VPS26A: variants seen among roughly 807,000 people sequenced by gnomAD.
VPS26A encodes the protein VPS26 retromer complex component A.
VPS26A carries 22 observed loss-of-function variants against 42.4 expected under a neutral mutation model. The observed-to-expected ratio is 0.52, with a 90% confidence interval of 0.37 to 0.74. The LOEUF is 0.74. Among genes scored for constraint, VPS26A ranks in the 30% least tolerant of loss-of-function variants. The pLI, the probability that VPS26A is intolerant of heterozygous loss-of-function variation, is 0.00. For synonymous variants in VPS26A, 110 were observed against 123.5 expected (o/e 0.89, Z 0.73); for missense variants, 276 against 379.2 (o/e 0.73, Z 2.26).
At chr10:69,147,360 C>T (rs985387582) in intron 2 of VPS26A, among the ~76,000 whole-genome samples, 1 of 152,066 alleles carries the variant, frequency 6.6e-6, no homozygotes, top group South Asian at 2.1e-4. Context: ...TCTGAGTTCT[C>T]TTTCCACTTT....
intron 1 of VPS26A, among the ~76,000 whole-genome samples, chr10:69,129,627 A>C (rs1337961110): frequency 6.6e-6 from 1 of 151,776 alleles, no homozygotes; most frequent in Admixed American, 6.6e-5. Flanking sequence ...GGCTCACTGC[A>C]ACCTCCACCT....
intron 1 of VPS26A, among the ~76,000 whole-genome samples, chr10:69,127,020 G>A (rs1422242903): frequency 1.3e-5 from 2 of 150,230 alleles, no homozygotes; most frequent in Non-Finnish European, 3.0e-5. Flanking sequence ...GTGCAGTGGC[G>A]CGATCTTGGC....
chr10:69,129,420 T>C (rs1223518429), intron 1 of VPS26A, among the ~76,000 whole-genome samples: 2 of 152,222 alleles, frequency 1.3e-5, no homozygotes, highest in African/African-American at 4.8e-5. Flanking sequence ...CTATCACTGA[T>C]GATTTTCATT....
At chr10:69,166,330 A>C (rs1249369718) in intron 7 of VPS26A, among the ~76,000 whole-genome samples, 1 of 152,250 alleles carries the variant, frequency 6.6e-6, no homozygotes, top group Non-Finnish European at 1.5e-5. Flanking sequence ...AGGATTTACT[A>C]GAGACAGTTA....
chr10:69,162,180 C>T (rs1841578582), intron 5 of VPS26A, among the ~76,000 whole-genome samples: 1 of 151,912 alleles, frequency 6.6e-6, no homozygotes, highest in African/African-American at 2.4e-5. Context: ...TTAGTAGAGA[C>T]AGTTTCGCCA....
chr10:69,160,031 T>C (rs974212511), intron 5 of VPS26A, among the ~76,000 whole-genome samples: 9 of 152,164 alleles, frequency 5.9e-5, no homozygotes, highest in Admixed American at 3.3e-4. Flanking sequence ...GTAATACATA[T>C]GGACTTCAGA....
intron 6 of VPS26A, among the ~76,000 whole-genome samples, chr10:69,164,200 T>G (rs184663707): frequency 9.0e-4 from 137 of 151,388 alleles, no homozygotes; most frequent in African/African-American, 3.2e-3. Context: ...AACTATATAT[T>G]AGAGAAATCA....
At chr10:69,151,274 A>AACAAAACAAAAC (rs1235416679) in intron 2 of VPS26A, among the ~76,000 whole-genome samples, 1 of 90,108 alleles carries the variant, frequency 1.1e-5, no homozygotes, top group African/African-American at 3.2e-5. Flanking sequence ...CAAAAAAAAA[A>AACAAAACAAAAC]AAAAAAAAAC....
intron 8 of VPS26A, chr10:69,170,285 TAAAC>T (rs1841787116): frequency 6.6e-6 from 1 of 152,238 alleles, no homozygotes; most frequent in South Asian, 2.1e-4. Flanking sequence ...GTTGTATAAT[TAAAC>T]ATACATGATT....
At chr10:69,144,031 TAACTATATAGAA>T (rs1300035748) in intron 2 of VPS26A, among the ~76,000 whole-genome samples, 11 of 152,192 alleles carry the variant, frequency 7.2e-5, no homozygotes, top group Non-Finnish European at 1.3e-4. Flanking sequence ...GATTCTTACA[TAACTATATAGAA>T]AACTGGTTTG....
intron 1 of VPS26A, among the ~76,000 whole-genome samples, chr10:69,125,010 G>A (rs1218789708): frequency 6.6e-6 from 1 of 152,174 alleles, no homozygotes; most frequent in African/African-American, 2.4e-5. Context: ...ACCACAGTCC[G>A]CGGAAGCACT....
intron 8 of VPS26A, among the ~76,000 whole-genome samples, chr10:69,170,628 CAAGG>C (rs1382612037): frequency 6.6e-6 from 1 of 151,984 alleles, no homozygotes; most frequent in Non-Finnish European, 1.5e-5. Context: ...GGAAAATGGT[CAAGG>C]GAGGGAAGAG....
At chr10:69,162,151 C>T (rs569427820) in intron 5 of VPS26A, among the ~76,000 whole-genome samples, 86 of 152,124 alleles carry the variant, frequency 5.7e-4, no homozygotes, top group African/African-American at 2.0e-3. Context: ...GCCACCATGC[C>T]CAGCTAATTT....
At chr10:69,133,469 T>C (rs1237845236) in intron 2 of VPS26A, 4 of 984,446 alleles carry the variant, frequency 4.1e-6, no homozygotes, top group Non-Finnish European at 5.3e-6. Context: ...AAAGGTTTTT[T>C]TACATTCTTT....
At chr10:69,138,705 T>TC (rs1840974603) in intron 2 of VPS26A, among the ~76,000 whole-genome samples, 1 of 152,220 alleles carries the variant, frequency 6.6e-6, no homozygotes, top group Admixed American at 6.5e-5. Flanking sequence ...AATCATATTG[T>TC]CATTTCCAAT....
intron 2 of VPS26A, among the ~76,000 whole-genome samples, chr10:69,139,094 C>T (rs1025190361): frequency 2.0e-5 from 3 of 152,064 alleles, no homozygotes; most frequent in Admixed American, 1.3e-4. Flanking sequence ...ACCACCAGTC[C>T]TTATATCTTT....
intron 1 of VPS26A, among the ~76,000 whole-genome samples, chr10:69,131,461 G>A (rs1028639820): frequency 7.9e-5 from 12 of 152,136 alleles, no homozygotes; most frequent in Middle Eastern, 3.4e-3. Context: ...TGGGCCGGGC[G>A]CGGTGGCTCA....
At chr10:69,153,119 G>A (rs1841355748) in intron 2 of VPS26A, among the ~76,000 whole-genome samples, 1 of 151,262 alleles carries the variant, frequency 6.6e-6, no homozygotes, top group Non-Finnish European at 1.5e-5. Flanking sequence ...GGAGTGCAGT[G>A]GTTCACTGCA....
intron 2 of VPS26A, among the ~76,000 whole-genome samples, chr10:69,149,237 T>C (rs1429804016): frequency 1.3e-5 from 2 of 152,210 alleles, no homozygotes; most frequent in African/African-American, 4.8e-5. Context: ...TGGGACAAAC[T>C]GGCATTGTAT....
Sources: allele counts gnomAD v4.1 joint callset (sites outside exome capture counted in the v4.1 genomes callset), GRCh38; gene constraint gnomAD v4.1.1; transcripts MANE v1.5; gene names NCBI Gene and HGNC (gene_info 2026-07-23, HGNC 2026-07-21).